The following STARD13 variants were observed in gnomAD, a reference collection of about 807,000 sequenced individuals.
STARD13 encodes the protein stAR-related lipid transfer protein 13.
STARD13 carries 62 observed loss-of-function variants against 106.4 expected under a neutral mutation model. The observed-to-expected ratio is 0.58, with a 90% CI of 0.48 to 0.72. The LOEUF is 0.72. Among genes scored for constraint, STARD13 ranks in the 30% least tolerant of loss-of-function variants. STARD13 has a pLI of 0.00. For missense variants in STARD13, 1,387 were observed against 1,424.0 expected (o/e 0.97, Z 0.42); for synonymous variants, 565 against 553.0 (o/e 1.02, Z -0.31).
At chr13:33,615,532 C>T in the STARD13 span, among the ~76,000 whole-genome samples, 3 of 152,162 alleles carry the variant, frequency 2.0e-5, no homozygotes, top group African/African-American at 2.4e-5. Flanking sequence ...CAGAATAGCA[C>T]AGAGCTAAGA....
chr13:33,583,225 A>C, the STARD13 span, among the ~76,000 whole-genome samples: 367 of 152,372 alleles, frequency 2.4e-3, 2 homozygotes, highest in African/African-American at 8.4e-3. Context: ...TCAAAAACTC[A>C]GTGATAGTCA....
At chr13:33,243,124 C>T (rs1055108155) in intron 1 of STARD13, among the ~76,000 whole-genome samples, 4 of 152,268 alleles carry the variant, frequency 2.6e-5, no homozygotes, top group African/African-American at 7.2e-5. Flanking sequence ...CCATCCCTAC[C>T]GCCCACTCCA....
the STARD13 span, among the ~76,000 whole-genome samples, chr13:33,532,826 T>C: frequency 6.6e-6 from 1 of 152,122 alleles, no homozygotes; most frequent in Admixed American, 6.5e-5. Flanking sequence ...ATCCAAAGGG[T>C]AGCAGTGGTC....
At chr13:33,239,965 C>A (rs1889385751) in intron 1 of STARD13, among the ~76,000 whole-genome samples, 1 of 152,108 alleles carries the variant, frequency 6.6e-6, no homozygotes, top group Admixed American at 6.5e-5. Flanking sequence ...TAAATTTTTG[C>A]AAATCCAATG....
chr13:33,359,898 C>T, the STARD13 span, among the ~76,000 whole-genome samples: 1 of 152,204 alleles, frequency 6.6e-6, no homozygotes, highest in Middle Eastern at 3.2e-3. Flanking sequence ...AGAGTTACCT[C>T]ACCTTATATT....
the STARD13 span, among the ~76,000 whole-genome samples, chr13:33,474,513 C>T: frequency 6.6e-6 from 1 of 152,118 alleles, no homozygotes; most frequent in Non-Finnish European, 1.5e-5. Context: ...AACAAATTGA[C>T]TTATAAATGA....
rs5802678 is a variant in STARD13 at position 33,262,662 on chromosome 13, A to ACACAACACACACACAC, written c.169+22807_169+22808insGTGTGTGTGTGTTGTG. Among the ~76,000 whole-genome samples, 8 of 114,986 alleles carry ACACAACACACACACAC rather than the reference A, an allele frequency of 7.0e-5. No individual in the cohort carries two copies. In the South Asian group the frequency reaches 1.9e-3, roughly 28 times the overall value. 75.4% of individuals were successfully genotyped at this position (114,986 alleles called of 152,430 possible). A position where few individuals can be genotyped will look rare whatever the true frequency, so the allele number is the denominator to read the frequency against. On this transcript the variant is annotated intron_variant, in intron 1 of 13. Coordinates refer to ENST00000336934, the MANE Select transcript of STARD13 (RefSeq NM_178006.4). Reference sequence around the variant, plus strand: ...AACCCCCCCCCCCACACACACACACAACACACACACACACACACACACACA... The same window carrying ACACAACACACACACAC: ...AACCCCCCCCCCCACACACACACACACACAACACACACACACACACACACACACACACACACACACA...
At position 33,260,921 on chromosome 13, in the gene STARD13, C is replaced by T. The variant is rs141155853; in HGVS notation, c.169+24549G>A. The stretch of plus-strand genomic sequence containing the variant: ...CTTATTCCTCTGAACTCCTAAGCCA[C>T]GTCCTTCCCGTCTTCATTAGAGGGC... On this transcript the variant is annotated intron_variant, in intron 1 of 13. Transcript: ENST00000336934. 5.0e-4 allele frequency among the ~76,000 whole-genome samples: 76 copies of T among 152,288 alleles called. 1 individual carries two copies. The East Asian group carries it at 0.014, about 28-fold the overall frequency.
At chr13:33,608,808 T>C in the STARD13 span, among the ~76,000 whole-genome samples, 10 of 152,132 alleles carry the variant, frequency 6.6e-5, no homozygotes, top group Non-Finnish European at 7.4e-5. Context: ...TGATACAGGC[T>C]GGGCCCGATG....
intron 3 of STARD13, among the ~76,000 whole-genome samples, chr13:33,163,230 A>G (rs111664532): frequency 5.3e-5 from 8 of 152,178 alleles, no homozygotes; most frequent in African/African-American, 1.9e-4. Context: ...AACATGTGGG[A>G]ATTATGGGAA....
chr13:33,171,969 A>G (rs1257828062), intron 1 of STARD13, among the ~76,000 whole-genome samples: 5 of 152,192 alleles, frequency 3.3e-5, no homozygotes, highest in Non-Finnish European at 5.9e-5. Context: ...ATGAGAACAA[A>G]GGCACCGTGG....
intron 1 of STARD13, among the ~76,000 whole-genome samples, chr13:33,339,358 C>CTA (rs961971717): frequency 2.0e-5 from 3 of 152,180 alleles, no homozygotes; most frequent in Admixed American, 6.5e-5. Flanking sequence ...TACTACACAG[C>CTA]TATAGGTACC....
chr13:33,325,983 T>TAAAAA (rs59403273), intron 1 of STARD13, among the ~76,000 whole-genome samples: 6 of 96,182 alleles, frequency 6.2e-5, no homozygotes, highest in Admixed American at 4.1e-4. Context: ...AGACTCCGTT[T>TAAAAA]AAAAAAAAAA....
intron 1 of STARD13, among the ~76,000 whole-genome samples, chr13:33,313,693 T>G (rs1320904919): frequency 2.6e-5 from 4 of 152,158 alleles, no homozygotes; most frequent in African/African-American, 9.7e-5. Context: ...ATACAACTGA[T>G]GTTGACAGAC....
At chr13:33,632,037 T>A in the STARD13 span, among the ~76,000 whole-genome samples, 1 of 152,216 alleles carries the variant, frequency 6.6e-6, no homozygotes, top group Non-Finnish European at 1.5e-5. Flanking sequence ...GTTTTTGCCA[T>A]TTAATGGAAT....
chr13:33,378,573 G>A, the STARD13 span, among the ~76,000 whole-genome samples: 1 of 152,028 alleles, frequency 6.6e-6, no homozygotes, highest in Admixed American at 6.6e-5. Flanking sequence ...GGCGGATCAC[G>A]AGGTCAGGAG....
the STARD13 span, among the ~76,000 whole-genome samples, chr13:33,630,593 C>T: frequency 6.6e-6 from 1 of 152,276 alleles, no homozygotes; most frequent in African/African-American, 2.4e-5. Context: ...CCTATAGCCA[C>T]TTTGACTTGC....
chr13:33,350,632 A>C, upstream of STARD13: 3 of 1,339,346 alleles, frequency 2.2e-6, no homozygotes, highest in South Asian at 1.7e-5. Context: ...TAGGTTATTA[A>C]CCTCTGCGCT....
chr13:33,322,021 T>C (rs1348219224), intron 1 of STARD13, among the ~76,000 whole-genome samples: 1 of 152,226 alleles, frequency 6.6e-6, no homozygotes, highest in Non-Finnish European at 1.5e-5. Context: ...TGCTATGACT[T>C]GTGAGTAAAA....
Sources: allele counts gnomAD v4.1 joint callset (sites outside exome capture counted in the v4.1 genomes callset), GRCh38; gene constraint gnomAD v4.1.1; transcripts MANE v1.5; gene names NCBI Gene and HGNC (gene_info 2026-07-23, HGNC 2026-07-21).